Variants in A1CF observed in about 807,000 individuals in gnomAD.
The protein encoded by A1CF is APOBEC-1 stimulating protein.
In A1CF, 48 loss-of-function variants were observed where a neutral mutation model predicts 68.9. The observed-to-expected ratio is 0.70, with a 90% CI of 0.55 to 0.89. The LOEUF (loss-of-function observed/expected upper bound fraction) is 0.89. A1CF is among the 40% of genes least tolerant of loss of function. A1CF has a pLI of 0.00. For synonymous variants in A1CF, 272 were observed against 260.4 expected (o/e 1.04, Z -0.43); for missense variants, 653 against 718.9 (o/e 0.91, Z 1.05).
intron 1 of A1CF, among the ~76,000 whole-genome samples, chr10:50,880,155 T>A (rs2132626770): frequency 6.6e-6 from 1 of 152,142 alleles, no homozygotes; most frequent in East Asian, 1.9e-4. Context: ...AAATAAAGGA[T>A]CTCAAAAGTT....
At chr10:50,858,964 A>G (rs1840612421) in intron 3 of A1CF, among the ~76,000 whole-genome samples, 1 of 151,812 alleles carries the variant, frequency 6.6e-6, no homozygotes, top group African/African-American at 2.4e-5. Context: ...ATTAATTAAA[A>G]AATAAATGTA....
At chr10:50,813,230 AC>A (rs1283841804) in intron 10 of A1CF, among the ~76,000 whole-genome samples, 1 of 152,194 alleles carries the variant, frequency 6.6e-6, no homozygotes, top group Non-Finnish European at 1.5e-5. Flanking sequence ...CCATATTGAA[AC>A]TTTTATAGCT....
intron 8 of A1CF, among the ~76,000 whole-genome samples, chr10:50,819,321 C>T (rs2065732401): frequency 6.6e-6 from 1 of 152,054 alleles, no homozygotes; most frequent in South Asian, 2.1e-4. Flanking sequence ...TGAGGTCTTG[C>T]CATCTTGTCC....
At chr10:50,878,515 G>C (rs1193191853) in intron 1 of A1CF, among the ~76,000 whole-genome samples, 1 of 152,176 alleles carries the variant, frequency 6.6e-6, no homozygotes, top group East Asian at 1.9e-4. Context: ...TTGTATCCAA[G>C]CATTCCAGAT....
intron 3 of A1CF, among the ~76,000 whole-genome samples, chr10:50,848,405 GTGA>G (rs1247201085): frequency 6.6e-6 from 1 of 152,152 alleles, no homozygotes; most frequent in African/African-American, 2.4e-5. Flanking sequence ...CTCAAAAATT[GTGA>G]TGATTATTCT....
At chr10:50,819,115 C>G (rs187383028) in intron 8 of A1CF, among the ~76,000 whole-genome samples, 88 of 152,214 alleles carry the variant, frequency 5.8e-4, no homozygotes, top group Admixed American at 2.1e-3. Flanking sequence ...ATCACTGCTT[C>G]TTTCTTTTCT....
Position 50,849,874 on chromosome 10 carries a change from A to G in A1CF, c.100-5752T>C, listed in dbSNP as rs1312060773. ...AGTGGCGCAATCTCAGCTCACTGCAAGCTCCGCCTCCTGGCTTCACGCTAT... is the reference window on the plus strand; with the variant it reads ...AGTGGCGCAATCTCAGCTCACTGCAGGCTCCGCCTCCTGGCTTCACGCTAT... On this transcript the variant is annotated intron_variant, in intron 3 of 12. Transcript: ENST00000373997. 2.0e-5 allele frequency among the ~76,000 whole-genome samples: 3 copies of G among 147,622 alleles called. No individual in the cohort carries two copies. The Admixed American group carries it at 2.1e-4, about 10-fold the overall frequency.
In A1CF at chr10:50,806,670, TTC is replaced by T; in HGVS notation, c.*57_*58del. On this transcript the variant is annotated 3_prime_UTR_variant, in exon 13 of 13. Transcript: ENST00000373997. ...ATTGGGGACCGAGTTAGAGGTTTATTTCTTTTTTTTTTTTAATAGAGTTTTGT... is the reference window on the plus strand; with the variant it reads ...ATTGGGGACCGAGTTAGAGGTTTATTTTTTTTTTTTTTAATAGAGTTTTGT... 2 of 1,490,172 alleles carry T rather than the reference TTC, an allele frequency of 1.3e-6. No individual in the cohort carries two copies. The highest frequency in any genetic ancestry group is 2.3e-5 in the Admixed American group (1 of 44,142). The allele number at this position is 1,490,172 out of a possible 1,614,324, so 92.3% of individuals were successfully genotyped here.
chr10:50,833,346 C>T (rs1353148881), intron 6 of A1CF, among the ~76,000 whole-genome samples: 8 of 152,196 alleles, frequency 5.3e-5, no homozygotes, highest in Admixed American at 1.3e-4. Flanking sequence ...CTATAACAAG[C>T]CCTCCAGGTG....
At chr10:50,873,325 GAGA>G (rs1460689981) in intron 1 of A1CF, among the ~76,000 whole-genome samples, 1 of 151,998 alleles carries the variant, frequency 6.6e-6, no homozygotes, top group East Asian at 1.9e-4. Flanking sequence ...TAGATAGCAA[GAGA>G]AGAAGAAATT....
Position 50,855,088 on chromosome 10 carries a change from A to C in A1CF, c.99+4754T>G, listed in dbSNP as rs549547809. Among the ~76,000 whole-genome samples, 12 of 152,064 alleles carry C rather than the reference A, an allele frequency of 7.9e-5. 1 individual carries two copies. In the South Asian group the frequency reaches 2.5e-3, roughly 31 times the overall value. ...CAGACACCACGTTGGGTGGAAGTGT[A>C]TATTTTTCTGAATATGCTCACATAT... On this transcript the variant is annotated intron_variant, in intron 3 of 12. Transcript: ENST00000373997.
Position 50,800,883 on chromosome 10 carries a change from T to A in A1CF, c.*5846A>T, listed in dbSNP as rs1169957396. ...CAAGGGAATTAGTGTTGGAGCAAAT[T>A]TGTGAAGCAGAAGGAAAAAAGGCAA... On this transcript the variant is annotated 3_prime_UTR_variant, in exon 13 of 13. Transcript: ENST00000373997. 1 of 152,076 alleles carries A rather than the reference T, an allele frequency of 6.6e-6. No individual in the cohort carries two copies. Among genetic ancestry groups the A allele is most frequent in the African/African-American group, 2.4e-5 (1 of 41,422 alleles). 9.4% of individuals were successfully genotyped at this position (152,076 alleles called of 1,614,324 possible).
rs5030687 is a variant in A1CF, at chr10:50,809,974, G to T, written c.1529C>A (p.Thr510Asn). 6.2e-7 allele frequency: 1 copy of T among 1,614,068 alleles called. No homozygotes were observed. Among genetic ancestry groups the T allele is most frequent in the Non-Finnish European group, 8.5e-7 (1 of 1,179,936 alleles). Residue 510 changes from threonine to asparagine, a missense_variant, in exon 12 of 13, where the codon ACC becomes AAC. Transcript: ENST00000373997. ...DEAKTYAAEY[T>N]LQTLGIPTDG... ...AGTGGGGATGCCCAGGGTCTGCAGG[G>T]TGTATTCGGCTGCATACGTCTTTGC...
At chr10:50,836,384 G>A (rs1839495363) in intron 5 of A1CF, 72 bp from the exon 6 acceptor site, 8 of 1,474,074 alleles carry the variant, frequency 5.4e-6, no homozygotes, top group Non-Finnish European at 6.4e-6. Flanking sequence ...ATGGCTGTGG[G>A]CCAAATGTTG....
At chr10:50,808,742 C>T (rs1295324329) in intron 12 of A1CF, among the ~76,000 whole-genome samples, 1 of 152,160 alleles carries the variant, frequency 6.6e-6, no homozygotes, top group Middle Eastern at 3.4e-3. Context: ...AATGTTAGCC[C>T]CACTGGCCAG....
intron 3 of A1CF, among the ~76,000 whole-genome samples, chr10:50,855,873 T>C (rs1840455433): frequency 1.3e-5 from 2 of 152,062 alleles, no homozygotes; most frequent in Non-Finnish European, 2.9e-5. Context: ...GCTTGGATTG[T>C]ATTAGGATGT....
At chr10:50,876,931 T>A (rs1830487104) in intron 1 of A1CF, among the ~76,000 whole-genome samples, 1 of 152,218 alleles carries the variant, frequency 6.6e-6, no homozygotes, top group African/African-American at 2.4e-5. Flanking sequence ...GAACACTGAA[T>A]AATACATACA....
chr10:50,861,624 G>C (rs1317285401), intron 2 of A1CF, among the ~76,000 whole-genome samples: 1 of 147,596 alleles, frequency 6.8e-6, no homozygotes, highest in Non-Finnish European at 1.5e-5. Flanking sequence ...AATAACACTA[G>C]TATTACTAAT....
intron 7 of A1CF, among the ~76,000 whole-genome samples, chr10:50,822,134 C>CTA (rs1838707241): frequency 6.6e-6 from 1 of 152,110 alleles, no homozygotes; most frequent in Non-Finnish European, 1.5e-5. Context: ...AACCAACTAT[C>CTA]TATTTTTATG....
Sources: gnomAD v4.1 joint callset for allele counts (sites outside exome capture counted in the v4.1 genomes callset) on GRCh38, gnomAD v4.1.1 for gene constraint, MANE v1.5 for transcripts, NCBI Gene and HGNC (gene_info 2026-07-23, HGNC 2026-07-21) for gene names.